The following DCDC2C variants were observed in gnomAD, a reference collection of about 807,000 sequenced individuals.
DCDC2C encodes doublecortin domain containing 2C.
In DCDC2C, 44 loss-of-function variants were observed where a neutral mutation model predicts 45.0. The observed-to-expected ratio is 0.98, with a 90% confidence interval of 0.77 to 1.26. The LOEUF (loss-of-function observed/expected upper bound fraction) is 1.26. Among genes scored for constraint, DCDC2C ranks in the 50% most tolerant of loss-of-function variants. The pLI is 0.00. For synonymous variants in DCDC2C, 187 were observed against 178.8 expected, an observed-to-expected ratio of 1.05 and a Z score of -0.37; for missense variants, 447 against 468.9, an observed-to-expected ratio of 0.95 and a Z score of 0.43.
chr2:3,846,197 C>G (rs1425559731), intron 10 of DCDC2C, among the ~76,000 whole-genome samples: 1 of 151,700 alleles, frequency 6.6e-6, no homozygotes, highest in Non-Finnish European at 1.5e-5. Flanking sequence ...TCTTTCTTCC[C>G]CACCCCCGTC....
intron 10 of DCDC2C, among the ~76,000 whole-genome samples, chr2:3,819,131 A>T (rs1671626160): frequency 6.6e-6 from 1 of 152,324 alleles, no homozygotes; most frequent in South Asian, 2.1e-4. Context: ...GTGATGGTCC[A>T]GGAAGCTTCC....
At chr2:3,712,513 A>T (rs1325174719) in intron 2 of DCDC2C, among the ~76,000 whole-genome samples, 2 of 150,928 alleles carry the variant, frequency 1.3e-5, no homozygotes, top group Non-Finnish European at 2.9e-5. Context: ...AAAATTATCC[A>T]GGCATGGTGG....
intron 6 of DCDC2C, among the ~76,000 whole-genome samples, chr2:3,760,889 G>T (rs1413275359): frequency 1.3e-5 from 2 of 151,944 alleles, no homozygotes; most frequent in Non-Finnish European, 2.9e-5. Flanking sequence ...AAAAAATCAT[G>T]AATGCAGTTT....
intron 2 of DCDC2C, among the ~76,000 whole-genome samples, chr2:3,717,141 C>T (rs1668371401): frequency 6.6e-6 from 1 of 152,022 alleles, no homozygotes; most frequent in Admixed American, 6.6e-5. Context: ...AGGGTGCTCT[C>T]CAATTCATTT....
At chr2:3,716,351 A>G (rs1453542302) in intron 2 of DCDC2C, among the ~76,000 whole-genome samples, 2 of 152,122 alleles carry the variant, frequency 1.3e-5, no homozygotes, top group African/African-American at 4.8e-5. Context: ...ATCTGTGTCA[A>G]ACGCTGCTGA....
At chr2:3,793,741 C>T (rs1352344683) in intron 10 of DCDC2C, among the ~76,000 whole-genome samples, 1 of 152,228 alleles carries the variant, frequency 6.6e-6, no homozygotes, top group African/African-American at 2.4e-5. Flanking sequence ...CAGGTTCAGA[C>T]ACAGATGCAG....
intron 10 of DCDC2C, among the ~76,000 whole-genome samples, chr2:3,817,832 G>A (rs930917120): frequency 4.6e-5 from 7 of 152,150 alleles, no homozygotes; most frequent in African/African-American, 1.7e-4. Context: ...AGGATCTATG[G>A]GGTCAGCTAG....
chr2:3,823,332 C>T (rs1671738185), intron 10 of DCDC2C, among the ~76,000 whole-genome samples: 1 of 151,840 alleles, frequency 6.6e-6, no homozygotes, highest in Non-Finnish European at 1.5e-5. Flanking sequence ...CCGTTGTGTT[C>T]AGAGAACATG....
intron 10 of DCDC2C, among the ~76,000 whole-genome samples, chr2:3,820,818 ATTGGTGAGATGTTCC>A (rs1671671401): frequency 6.6e-6 from 1 of 152,134 alleles, no homozygotes; most frequent in South Asian, 2.1e-4. Flanking sequence ...CTCATTTGAA[ATTGGTGAGATGTTCC>A]TTGGGCTGGT....
intron 10 of DCDC2C, among the ~76,000 whole-genome samples, chr2:3,842,197 A>C (rs528453594): frequency 6.6e-6 from 1 of 152,270 alleles, no homozygotes; most frequent in East Asian, 1.9e-4. Flanking sequence ...TTTTCTCAAG[A>C]AGCTCATGTG....
intron 10 of DCDC2C, among the ~76,000 whole-genome samples, chr2:3,836,723 A>G (rs149822920): frequency 0.01 from 1,597 of 152,186 alleles, 26 homozygotes; most frequent in African/African-American, 0.035. Context: ...TTAGCCGGGC[A>G]CGGTGGCGGG....
At chr2:3,785,887 G>A (rs746472647) in intron 10 of DCDC2C, among the ~76,000 whole-genome samples, 39 of 152,152 alleles carry the variant, frequency 2.6e-4, no homozygotes, top group Non-Finnish European at 5.0e-4. Flanking sequence ...AGCTCTGCCT[G>A]GCCTTGGCTG....
chr2:3,785,171 C>A, intron 10 of DCDC2C, 71 bp downstream of exon 10: 8 of 1,134,032 alleles, frequency 7.1e-6, no homozygotes, highest in Non-Finnish European at 7.8e-6. Context: ...AGAGAATCCA[C>A]GGATCCCCAA....
Position 3,735,633 on chromosome 2 carries a change from C to T in DCDC2C, c.417-6287C>T, listed in dbSNP as rs935755942. On this transcript the variant is annotated intron_variant, in intron 3 of 10. Transcript: ENST00000399143. Reference sequence around the variant, plus strand: ...GCCTCAGTAAATCCTTGAGGCATAACGGTCCAGGAATATGGTTCATTTTCC... The same window carrying T: ...GCCTCAGTAAATCCTTGAGGCATAATGGTCCAGGAATATGGTTCATTTTCC... Among the ~76,000 whole-genome samples, 29 of 152,104 alleles carry T rather than the reference C, an allele frequency of 1.9e-4. 3 individuals are homozygous for T. The highest frequency in any genetic ancestry group is 2.1e-4 in the South Asian group (1 of 4,834).
chr2:3,752,778 T>A lies in DCDC2C; in HGVS notation c.561T>A (p.Asn187Lys), dbSNP rs1218391775. 1 of 1,550,416 alleles carries A rather than the reference T, an allele frequency of 6.4e-7. No individual in the cohort carries two copies. Among genetic ancestry groups the A allele is most frequent in the Non-Finnish European group, 8.7e-7 (1 of 1,146,838 alleles). ...LGGVRKLFTM[N>K]GHLLGDSKDL... The stretch of plus-strand genomic sequence containing the variant: ...GTTTTTACAGATTATTTACAATGAA[T>A]GGGCATCTTTTGGGCGACTCAAAGG... The change falls in exon 5 of 11, where the codon AAT becomes AAA. Residue 187 changes from asparagine (N) to lysine (K), a missense_variant. Transcript: ENST00000399143.
Position 3,813,472 on chromosome 2 carries a change from C to T in DCDC2C, c.1065+28372C>T, listed in dbSNP as rs190037666. 8.9e-4 allele frequency among the ~76,000 whole-genome samples: 136 copies of T among 152,198 alleles called. 2 individuals are homozygous for T. The highest frequency in any genetic ancestry group is 1.4e-3 in the Non-Finnish European group (93 of 68,018). On this transcript the variant is annotated intron_variant, in intron 10 of 10. Transcript: ENST00000399143. Reference sequence around the variant, plus strand: ...ACTCCTGAATATCCTTGTTAATTTTCTGTCTCGTTGATCTGTTTAATACTG... The same window carrying T: ...ACTCCTGAATATCCTTGTTAATTTTTTGTCTCGTTGATCTGTTTAATACTG...
At chr2:3,779,652 A>G (rs944441313) in intron 9 of DCDC2C, among the ~76,000 whole-genome samples, 3 of 152,134 alleles carry the variant, frequency 2.0e-5, no homozygotes, top group Non-Finnish European at 4.4e-5. Context: ...AGCTGTGTAA[A>G]TTGATCATCG....
chr2:3,747,368 A>C (rs1049042232), intron 4 of DCDC2C, among the ~76,000 whole-genome samples: 68 of 152,348 alleles, frequency 4.5e-4, no homozygotes, highest in African/African-American at 1.5e-3. Context: ...ACCATGGTGA[A>C]CCATGAACTT....
rs1338366147 is a variant in DCDC2C at position 3,769,349 on chromosome 2, A to G, written c.892A>G (p.Thr298Ala). Residue 298 changes from threonine (T) to alanine (A), a missense_variant, in exon 8 of 11, where the codon ACC (threonine) becomes GCC (alanine). Coordinates refer to ENST00000399143, the MANE Select transcript of DCDC2C (RefSeq NM_001287444.2). ...TAAAGCACCGACTCCTAGCAAGGAAACCCAAGGGGCGCTGGACGTCAAAGA... is the reference window on the plus strand; with the variant it reads ...TAAAGCACCGACTCCTAGCAAGGAAGCCCAAGGGGCGCTGGACGTCAAAGA... Reference protein sequence around the residue: ...VYKAPTPSKETQGALDVKEEH... With the variant: ...VYKAPTPSKEAQGALDVKEEH... 1 of 1,550,412 alleles carries G rather than the reference A, an allele frequency of 6.4e-7. No homozygotes were observed. Among genetic ancestry groups the G allele is most frequent in the African/African-American group, 1.4e-5 (1 of 73,002 alleles).
Sources: allele counts gnomAD v4.1 joint callset (sites outside exome capture counted in the v4.1 genomes callset), GRCh38; gene constraint gnomAD v4.1.1; transcripts MANE v1.5; gene names NCBI Gene and HGNC (gene_info 2026-07-23, HGNC 2026-07-21).